SYT1: variants seen among roughly 807,000 people sequenced by gnomAD.
The protein encoded by SYT1 is synaptotagmin 1.
A neutral mutation model predicts 44.8 loss-of-function variants in SYT1; 8 were observed. That is an observed-to-expected ratio of 0.18 (90% confidence interval 0.10 to 0.32). The LOEUF (loss-of-function observed/expected upper bound fraction) is 0.32, where lower values mean the gene tolerates loss of function less well. Among genes scored for constraint, SYT1 ranks in the 10% least tolerant of loss-of-function variants. The probability of loss-of-function intolerance (pLI) is 1.00; values close to 1 mark genes in which losing one functional copy is unlikely to be tolerated. For synonymous variants in SYT1, 154 were observed against 188.8 expected, an observed-to-expected ratio of 0.82 and a Z score of 1.51; for missense variants, 286 against 509.3, an observed-to-expected ratio of 0.56 and a Z score of 4.22.
chr12:79,038,208 T>TAC (rs1466262179), intron 2 of SYT1, among the ~76,000 whole-genome samples: 1 of 150,934 alleles, frequency 6.6e-6, no homozygotes, highest in Non-Finnish European at 1.5e-5. Context: ...CACATATATA[T>TAC]ACACACATAT....
At chr12:79,046,277 A>T (rs968952804) in intron 2 of SYT1, 1 of 152,210 alleles carries the variant, frequency 6.6e-6, no homozygotes, top group Non-Finnish European at 1.5e-5. Flanking sequence ...CAATAGCTAG[A>T]GCTGCTGATA....
chr12:79,378,471 AAATGAATTTGTAAAGAAAATCGCTTTT>A (rs1168653949), intron 9 of SYT1, among the ~76,000 whole-genome samples: 1 of 152,226 alleles, frequency 6.6e-6, no homozygotes, highest in Non-Finnish European at 1.5e-5. Context: ...CAGTTTACAG[AAATGAATTTGTAAAGAAAATCGCTTTT>A]AAAGAATCAA....
intron 9 of SYT1, among the ~76,000 whole-genome samples, chr12:79,380,077 C>T (rs1055009887): frequency 2.0e-5 from 3 of 152,066 alleles, no homozygotes; most frequent in African/African-American, 4.8e-5. Flanking sequence ...TTAGAATTGA[C>T]GTATTTTACT....
chr12:79,307,904 C>A (rs1429503373), intron 8 of SYT1, among the ~76,000 whole-genome samples: 1 of 152,106 alleles, frequency 6.6e-6, no homozygotes, highest in East Asian at 1.9e-4. Context: ...AGACAGATGG[C>A]AAAATTGATG....
intron 9 of SYT1, among the ~76,000 whole-genome samples, chr12:79,360,500 T>C (rs1181443642): frequency 6.6e-6 from 1 of 152,196 alleles, no homozygotes; most frequent in Non-Finnish European, 1.5e-5. Flanking sequence ...ATTCAATTGA[T>C]GTGAACTAAA....
Sources: gnomAD v4.1 joint callset for allele counts (sites outside exome capture counted in the v4.1 genomes callset) on GRCh38, gnomAD v4.1.1 for gene constraint, MANE v1.5 for transcripts, NCBI Gene and HGNC (gene_info 2026-07-23, HGNC 2026-07-21) for gene names.